TXLNA: variants seen among roughly 807,000 people sequenced by gnomAD.
The protein encoded by TXLNA is taxilin alpha.
TXLNA carries 9 observed loss-of-function variants against 61.4 expected under a neutral mutation model. The ratio of observed to expected loss-of-function variants is 0.15; its 90% CI spans 0.09 to 0.26. TXLNA has a LOEUF of 0.26. TXLNA is among the 10% of genes least tolerant of loss of function. The pLI, the probability that TXLNA is intolerant of heterozygous loss-of-function variation, is 1.00. For missense variants in TXLNA, 565 were observed against 688.8 expected, an observed-to-expected ratio of 0.82 and a Z score of 2.01; for synonymous variants, 257 against 267.7, an observed-to-expected ratio of 0.96 and a Z score of 0.39.
At chr1:32,193,597 G>A (rs1036606957) in intron 9 of TXLNA, among the ~76,000 whole-genome samples, 1 of 152,100 alleles carries the variant, frequency 6.6e-6, no homozygotes, top group Non-Finnish European at 1.5e-5. Context: ...CTGGAGTGCA[G>A]TGGCATGATC....
chr1:32,190,380 A>G (rs2124155389), intron 6 of TXLNA, 131 bp downstream of exon 6: 5 of 893,434 alleles, frequency 5.6e-6, no homozygotes, highest in Middle Eastern at 3.1e-4. Flanking sequence ...CCTTGGGAGG[A>G]GAGTAATGTT....
At position 32,195,685 on chromosome 1, in the gene TXLNA, AT is replaced by A. The variant is rs999775632; in HGVS notation, c.*492del. ...CCTAGCTGCTCTGGAGGCTCCTTTG[AT>A]TCTCTAGACCTGGAAAAGGTGTCCC... On this transcript the variant is annotated 3_prime_UTR_variant, in exon 11 of 11. Transcript: ENST00000373610. The A allele has an allele frequency of 4.4e-6, 2 of 455,996 alleles. No individual in the cohort carries two copies. The highest frequency in any genetic ancestry group is 4.0e-5 in the African/African-American group (2 of 49,994). 28.2% of individuals were successfully genotyped at this position (455,996 alleles called of 1,614,324 possible).
intron 3 of TXLNA, among the ~76,000 whole-genome samples, chr1:32,183,435 T>TAA (rs1384923434): frequency 3.7e-5 from 4 of 107,138 alleles, no homozygotes; most frequent in African/African-American, 3.7e-5. Flanking sequence ...TTTTTTTTTT[T>TAA]TTTTTTTTTT....
chr1:32,186,341 G>C (rs1642789498), intron 4 of TXLNA, among the ~76,000 whole-genome samples: 1 of 152,168 alleles, frequency 6.6e-6, no homozygotes, highest in Non-Finnish European at 1.5e-5. Flanking sequence ...TGTGCAGCTT[G>C]TGCCCCTGAT....
Position 32,195,977 on chromosome 1 carries a change from C to CTTTTTTTTTT in TXLNA, c.*788_*797dup, listed in dbSNP as rs112648110. The CTTTTTTTTTT allele has an allele frequency of 3.2e-5, 5 of 154,392 alleles. No individual in the cohort carries two copies. Among genetic ancestry groups the CTTTTTTTTTT allele is most frequent in the East Asian group, 2.1e-4 (1 of 4,864 alleles). The allele number at this position is 154,392 out of a possible 1,614,324, so 9.6% of individuals were successfully genotyped here. A position where few individuals can be genotyped will look rare whatever the true frequency, so the allele number is the denominator to read the frequency against. On this transcript the variant is annotated 3_prime_UTR_variant, in exon 11 of 11. Transcript: ENST00000373610. Reference sequence around the variant, plus strand: ...GGTGTTTTTTTCTTTATTTCTTTTTCTTTTTTTTTTTTTTTCTTTTTCTTT... The same window carrying CTTTTTTTTTT: ...GGTGTTTTTTTCTTTATTTCTTTTTCTTTTTTTTTTTTTTTTTTTTTTTTTCTTTTTCTTT...
intron 3 of TXLNA, 51 bp from the exon 4 acceptor site, chr1:32,184,474 G>A: frequency 8.0e-7 from 1 of 1,250,740 alleles, no homozygotes; most frequent in Non-Finnish European, 1.2e-6. Context: ...CCCAGGCCTG[G>A]AGGGGACACC....
chr1:32,184,970 T>C (rs1168885551), intron 4 of TXLNA, among the ~76,000 whole-genome samples: 2 of 152,226 alleles, frequency 1.3e-5, no homozygotes, highest in African/African-American at 4.8e-5. Context: ...TTGATACTTT[T>C]TCCTTTTACT....
intron 9 of TXLNA, among the ~76,000 whole-genome samples, chr1:32,193,577 A>G (rs1463208760): frequency 1.3e-5 from 2 of 151,340 alleles, no homozygotes; most frequent in Non-Finnish European, 2.9e-5. Context: ...AGACTCACCT[A>G]TTGCCCAGGC....
At position 32,195,673 on chromosome 1, in the gene TXLNA, G is replaced by A. The variant is rs1324306619; in HGVS notation, c.*478G>A. 1.1e-5 allele frequency: 5 copies of A among 456,356 alleles called. No individual in the cohort carries two copies. The East Asian group carries it at 3.5e-4, about 32-fold the overall frequency. 28.3% of individuals were successfully genotyped at this position (456,356 alleles called of 1,614,324 possible). A position where few individuals can be genotyped will look rare whatever the true frequency, so the allele number is the denominator to read the frequency against. On this transcript the variant is annotated 3_prime_UTR_variant, in exon 11 of 11. Transcript: ENST00000373610. The stretch of plus-strand genomic sequence containing the variant: ...AGCTCAGGCCCTCCTAGCTGCTCTG[G>A]AGGCTCCTTTGATTCTCTAGACCTG...
chr1:32,194,412 G>C (rs1474363064), intron 10 of TXLNA, among the ~76,000 whole-genome samples: 2 of 152,242 alleles, frequency 1.3e-5, no homozygotes, highest in Non-Finnish European at 2.9e-5. Flanking sequence ...ACGGGTGCCA[G>C]TGATGTGCCT....
At position 32,193,241 on chromosome 1, in the gene TXLNA, C is replaced by G; in HGVS notation, c.1192C>G (p.Gln398Glu). The change falls in exon 9 of 11, where the codon CAG (glutamine) becomes GAG (glutamate). Residue 398 changes from glutamine to glutamate, a missense_variant. Gln to Glu is a conservative substitution (Grantham distance 29, BLOSUM62 2). Around this residue, in one of 2 missense-constraint regions of TXLNA, gnomAD observed 373 missense variants for 504.0 expected, o/e 0.74. Coordinates refer to ENST00000373610, the MANE Select transcript of TXLNA (RefSeq NM_175852.4). ...ATACACAGAGAAGTTTGAGGAGTTC[C>G]AGAACACACTTTCCAAAAGCAGCGA... ...ALYTEKFEEFQNTLSKSSEVF... is the reference protein window; with the variant it reads ...ALYTEKFEEFENTLSKSSEVF... The G allele has an allele frequency of 6.2e-7, 1 of 1,613,798 alleles. No homozygotes were observed. The highest frequency in any genetic ancestry group is 8.5e-7 in the Non-Finnish European group (1 of 1,179,960).
rs1642650352 is a variant in TXLNA at position 32,181,249 on chromosome 1, A to G, written c.177A>G (p.Gln59=). ...CATCCTCTCCTGCTGTAGGGGCTCAAGCCAGAACGGCTCAGTCTGGGGCCC... is the reference window on the plus strand; with the variant it reads ...CATCCTCTCCTGCTGTAGGGGCTCAGGCCAGAACGGCTCAGTCTGGGGCCC... ...SQAPRKPEGA[Q]ARTAQSGALR... is the part of the protein sequence containing the mutation. Residue 59 remains glutamine (Q), a synonymous_variant, in exon 3 of 11, where the codon CAA becomes CAG. Transcript: ENST00000373610. The G allele has an allele frequency of 1.9e-6, 3 of 1,587,824 alleles. No homozygotes were observed. Among genetic ancestry groups the G allele is most frequent in the Non-Finnish European group, 2.6e-6 (3 of 1,162,656 alleles).
At chr1:32,190,965 A>G (rs184394292) in intron 6 of TXLNA, among the ~76,000 whole-genome samples, 13 of 152,182 alleles carry the variant, frequency 8.5e-5, no homozygotes, top group Middle Eastern at 3.4e-3. Context: ...GTGGTGGTGC[A>G]CGGCTGTAGT....
In TXLNA at chr1:32,194,999, A is replaced by C. The variant is rs780133544; in HGVS notation, c.1445A>C (p.Asn482Thr). ...CTGCAGACAGAGCGCAATGACCTGAACAAGAGGGTACAGGACCTGAGTGCT... is the reference window on the plus strand; with the variant it reads ...CTGCAGACAGAGCGCAATGACCTGACCAAGAGGGTACAGGACCTGAGTGCT... ...RALQTERNDL[N>T]KRVQDLSAGG... Residue 482 changes from asparagine (N) to threonine (T), a missense_variant, in exon 11 of 11, where the codon AAC (asparagine) becomes ACC (threonine). Physicochemically the swap from Asn to Thr is moderately conservative, Grantham distance 65. Around this residue, in one of 2 missense-constraint regions of TXLNA, gnomAD observed 373 missense variants for 504.0 expected, o/e 0.74. Transcript: ENST00000373610. 1.2e-6 allele frequency: 2 copies of C among 1,614,206 alleles called. No individual in the cohort carries two copies. Among genetic ancestry groups the C allele is most frequent in the Non-Finnish European group, 8.5e-7 (1 of 1,180,018 alleles).
rs1455565209 is a variant in TXLNA at position 32,180,310 on chromosome 1, A to G, written c.-32-4A>G. 4 of 1,563,006 alleles carry G rather than the reference A, an allele frequency of 2.6e-6. No homozygotes were observed. The East Asian group carries it at 9.1e-5, about 35-fold the overall frequency. ...GAAAATAGCAACTGTGTTTGTTTCT[A>G]AAGGATCTTCTCCTGACCCAGCATC... On this transcript the variant is annotated splice_region_variant and splice_polypyrimidine_tract_variant and intron_variant, in intron 1 of 10. Transcript: ENST00000373610.
chr1:32,193,734 T>G (rs765405719), intron 9 of TXLNA, among the ~76,000 whole-genome samples: 1 of 151,920 alleles, frequency 6.6e-6, no homozygotes, highest in Non-Finnish European at 1.5e-5. Flanking sequence ...TTTTTGTATT[T>G]TTAGTAGAGA....
rs1167210471 is a variant in TXLNA at position 32,194,637 on chromosome 1, G to C, written c.1348-265G>C. 2.0e-5 allele frequency among the ~76,000 whole-genome samples: 3 copies of C among 152,232 alleles called. No individual in the cohort carries two copies. In the East Asian group the frequency reaches 5.8e-4, roughly 29 times the overall value. On this transcript the variant is annotated intron_variant, in intron 10 of 10. Transcript: ENST00000373610. ...GTATTAGTAGTCCTGTTTTATAGAT[G>C]AGACAGGCTCAAAAGTCAAGTCCTT...
At chr1:32,190,567 G>A (rs1352980844) in intron 6 of TXLNA, among the ~76,000 whole-genome samples, 1 of 152,116 alleles carries the variant, frequency 6.6e-6, no homozygotes, top group African/African-American at 2.4e-5. Flanking sequence ...CCCTCAGCAG[G>A]GCCTTGGGGA....
At position 32,191,112 on chromosome 1, in the gene TXLNA, AAGC is replaced by A. The variant is rs1428154292; in HGVS notation, c.963+866_963+868del. Among the ~76,000 whole-genome samples the A allele has an allele frequency of 2.6e-5, 4 of 151,180 alleles. No individual in the cohort carries two copies. In the East Asian group the frequency reaches 7.7e-4, roughly 29 times the overall value. The stretch of plus-strand genomic sequence containing the variant: ...CCATCTCAAAAAAAAAAAAAAAAAA[AAGC>A]AGGATGTCACTCCCTTTGTCACTGC... On this transcript the variant is annotated intron_variant, in intron 6 of 10. Transcript: ENST00000373610.
Sources: gnomAD v4.1 joint callset for allele counts (sites outside exome capture counted in the v4.1 genomes callset) on GRCh38, gnomAD v4.1.1 for gene constraint, gnomAD v4.1.1 regional missense constraint, MANE v1.5 for transcripts, NCBI Gene and HGNC (gene_info 2026-07-23, HGNC 2026-07-21) for gene names.